The following RELN variants were observed in gnomAD, a reference collection of about 807,000 sequenced individuals.
The protein encoded by RELN is reelin.
Under a neutral mutation model 427.6 loss-of-function variants are expected in RELN, and 108 were observed. That is an observed-to-expected ratio of 0.25 (90% CI 0.22 to 0.30). RELN has a LOEUF of 0.30. RELN is among the 10% of genes least tolerant of loss of function. The pLI, the probability that RELN is intolerant of heterozygous loss-of-function variation, is 1.00. For synonymous variants in RELN, 1,524 were observed against 1,513.4 expected, an observed-to-expected ratio of 1.01 and a Z score of -0.16; for missense variants, 3,715 against 4,302.8, an observed-to-expected ratio of 0.86 and a Z score of 3.82.
intron 50 of RELN, 71 bp from the exon 51 acceptor site, chr7:103,511,076 G>T: frequency 9.4e-7 from 1 of 1,069,266 alleles, no homozygotes; most frequent in African/African-American, 1.6e-5. Context: ...TTCACTTTAA[G>T]CAAGACATAG....
chr7:103,859,582 G>A (rs188923228), intron 2 of RELN, among the ~76,000 whole-genome samples: 11 of 152,184 alleles, frequency 7.2e-5, no homozygotes, highest in Admixed American at 6.5e-4. Flanking sequence ...CGTGAGCCAC[G>A]GCACCCGGCC....
intron 55 of RELN, 80 bp downstream of exon 55, chr7:103,497,740 C>T (rs1828882812): frequency 1.7e-6 from 2 of 1,170,634 alleles, no homozygotes; most frequent in South Asian, 1.2e-5. Context: ...GTCAGCAAAG[C>T]TTTGCAGAGA....
At chr7:103,494,959 CGGAAG>C (rs990117252) in intron 57 of RELN, among the ~76,000 whole-genome samples, 1 of 151,440 alleles carries the variant, frequency 6.6e-6, no homozygotes, top group Admixed American at 6.6e-5. Context: ...GGAGAGACAG[CGGAAG>C]GGAAGGGAGA....
At chr7:103,537,667 A>G (rs1290674142) in intron 45 of RELN, among the ~76,000 whole-genome samples, 1 of 152,138 alleles carries the variant, frequency 6.6e-6, no homozygotes, top group African/African-American at 2.4e-5. Context: ...TTTCTATGTG[A>G]AGAAGGGAGT....
chr7:103,636,741 T>C (rs1584364922), intron 17 of RELN, among the ~76,000 whole-genome samples: 1 of 152,342 alleles, frequency 6.6e-6, no homozygotes, highest in East Asian at 1.9e-4. Flanking sequence ...TCTATGTTCA[T>C]ACACATTTCC....
intron 3 of RELN, among the ~76,000 whole-genome samples, chr7:103,797,562 A>C (rs1273429288): frequency 6.6e-6 from 1 of 152,100 alleles, no homozygotes; most frequent in Non-Finnish European, 1.5e-5. Flanking sequence ...TTCCGATTTT[A>C]CTAGTTTTTT....
intron 6 of RELN, among the ~76,000 whole-genome samples, chr7:103,737,979 C>T (rs1462944926): frequency 6.6e-6 from 1 of 151,892 alleles, no homozygotes; most frequent in African/African-American, 2.4e-5. Flanking sequence ...TCTCTGTTGG[C>T]ATCACAACCC....
intron 2 of RELN, among the ~76,000 whole-genome samples, chr7:103,862,727 A>T (rs1794101511): frequency 1.3e-5 from 2 of 152,184 alleles, no homozygotes; most frequent in South Asian, 4.1e-4. Context: ...GTATTGAAAC[A>T]GAAAGCTGAG....
chr7:103,635,953 A>T (rs559036230), intron 18 of RELN, among the ~76,000 whole-genome samples: 1 of 152,312 alleles, frequency 6.6e-6, no homozygotes, highest in South Asian at 2.1e-4. Context: ...CAATAAAACT[A>T]CATAAATAAT....
intron 3 of RELN, among the ~76,000 whole-genome samples, chr7:103,830,216 G>T (rs578079872): frequency 1.3e-5 from 2 of 151,888 alleles, no homozygotes; most frequent in East Asian, 1.9e-4. Context: ...AATATTTATT[G>T]AGCACATTCT....
chr7:103,848,500 C>T (rs768187235), intron 2 of RELN, among the ~76,000 whole-genome samples: 5 of 152,110 alleles, frequency 3.3e-5, no homozygotes, highest in Admixed American at 6.5e-5. Flanking sequence ...TACTTCCCCC[C>T]GAATCAACAG....
intron 2 of RELN, among the ~76,000 whole-genome samples, chr7:103,897,551 T>A (rs10487173): frequency 0.11 from 16,054 of 152,104 alleles, 1,281 homozygotes; most frequent in East Asian, 0.34. Flanking sequence ...AAAATGAATA[T>A]TCCTAAGAAG....
In RELN at chr7:103,604,335, G is replaced by T; in HGVS notation, c.3146+11C>A. On this transcript the variant is annotated intron_variant, in intron 23 of 64. Coordinates refer to ENST00000428762, the MANE Select transcript of RELN (RefSeq NM_005045.4). ...AAGCATGGACCTCATCGTGCTTTCT[G>T]GTGCACATACCTGCATATGCCATGA... is the stretch of plus-strand genomic sequence containing the variant. The T allele has an allele frequency of 1.9e-6, 3 of 1,613,650 alleles. No individual in the cohort carries two copies. The highest frequency in any genetic ancestry group is 2.5e-6 in the Non-Finnish European group (3 of 1,179,764).
At chr7:103,664,850 C>A (rs1454567492) in intron 11 of RELN, among the ~76,000 whole-genome samples, 1 of 151,910 alleles carries the variant, frequency 6.6e-6, no homozygotes, top group Non-Finnish European at 1.5e-5. Context: ...GATTTGAATT[C>A]TTTATATATT....
intron 4 of RELN, among the ~76,000 whole-genome samples, chr7:103,759,015 A>G (rs1053283931): frequency 1.3e-5 from 2 of 152,112 alleles, no homozygotes; most frequent in African/African-American, 4.8e-5. Flanking sequence ...CGCAAAGAGG[A>G]CAGAAATAGA....
intron 3 of RELN, among the ~76,000 whole-genome samples, chr7:103,784,151 T>C (rs2237637): frequency 0.33 from 50,158 of 152,014 alleles, 8,320 homozygotes; most frequent in East Asian, 0.45. Flanking sequence ...AAATTTCTCA[T>C]GATTATCACA....
chr7:103,544,270 G>A (rs560429271), intron 42 of RELN, among the ~76,000 whole-genome samples: 2 of 125,266 alleles, frequency 1.6e-5, no homozygotes, highest in African/African-American at 6.5e-5. Context: ...ATGGAGTCTC[G>A]CTCTGTCGCC....
At chr7:103,729,474 G>A (rs1490422175) in intron 6 of RELN, among the ~76,000 whole-genome samples, 1 of 152,140 alleles carries the variant, frequency 6.6e-6, no homozygotes, top group African/African-American at 2.4e-5. Flanking sequence ...TTTGAGCCGT[G>A]TTTCCACACA....
intron 3 of RELN, among the ~76,000 whole-genome samples, chr7:103,787,456 G>T (rs1238128706): frequency 2.6e-5 from 4 of 151,738 alleles, no homozygotes; most frequent in Admixed American, 2.0e-4. Flanking sequence ...TAAAGAAGAA[G>T]AAAAGAGAAG....
Sources: allele counts gnomAD v4.1 joint callset (sites outside exome capture counted in the v4.1 genomes callset), GRCh38; gene constraint gnomAD v4.1.1; transcripts MANE v1.5; gene names NCBI Gene and HGNC (gene_info 2026-07-23, HGNC 2026-07-21).